Variants in UPF2 observed in about 807,000 individuals in gnomAD.
The protein encoded by UPF2 is regulator of nonsense transcripts 2.
A neutral mutation model predicts 141.4 loss-of-function variants in UPF2; 17 were observed. The observed-to-expected ratio is 0.12, with a 90% CI of 0.08 to 0.18. UPF2 has a LOEUF of 0.18. Among genes scored for constraint, UPF2 ranks in the 10% least tolerant of loss-of-function variants. The pLI is 1.00. For missense variants in UPF2, 1,152 were observed against 1,515.9 expected, an observed-to-expected ratio of 0.76 and a Z score of 3.99; for synonymous variants, 540 against 498.0, an observed-to-expected ratio of 1.08 and a Z score of -1.12.
intron 20 of UPF2, 28 bp from the exon 21 acceptor site, chr10:11,930,013 G>C: frequency 6.2e-7 from 1 of 1,613,920 alleles, no homozygotes; most frequent in Non-Finnish European, 8.5e-7. Flanking sequence ...AAAAGAGAAT[G>C]CTGTTAACTC....
rs1185937982 is a variant in UPF2 at position 11,997,702 on chromosome 10, A to G, written c.1814T>C (p.Val605Ala). Residue 605 changes from valine (V) to alanine (A), a missense_variant, in exon 8 of 22, where the codon GTA (valine) becomes GCA (alanine). Around this residue, in one of 4 missense-constraint regions of UPF2, gnomAD observed 739 missense variants for 1,032.2 expected, o/e 0.72. Coordinates refer to ENST00000357604, the MANE Select transcript of UPF2 (RefSeq NM_015542.4). ...MNTKANRKKL[V>A]RALFIVPRQR... ...TCTAGGAACTATGAAGAGTGCCCGT[A>G]CCAACTTCTTCCTGTTTGCTTTTGT... 6.2e-7 allele frequency: 1 copy of G among 1,613,928 alleles called. No individual in the cohort carries two copies. Among genetic ancestry groups the G allele is most frequent in the Non-Finnish European group, 8.5e-7 (1 of 1,179,890 alleles).
At position 12,038,806 on chromosome 10, in the gene UPF2, T is replaced by C. The variant is rs115478613; in HGVS notation, c.-18-3365A>G. Among the ~76,000 whole-genome samples the C allele has an allele frequency of 6.4e-3, 973 of 152,148 alleles. 13 individuals are homozygous for C. The highest frequency in any genetic ancestry group is 0.022 in the African/African-American group (930 of 41,532). On this transcript the variant is annotated intron_variant, in intron 1 of 21. Transcript: ENST00000357604. Reference sequence around the variant, plus strand: ...CAAGACAACATTAGCATTTATATTATCTATTTTTTTAATTTAAAAAAAAAC... The same window carrying C: ...CAAGACAACATTAGCATTTATATTACCTATTTTTTTAATTTAAAAAAAAAC...
At chr10:12,021,379 A>C (rs1701474) in intron 3 of UPF2, among the ~76,000 whole-genome samples, 1 of 147,148 alleles carries the variant, frequency 6.8e-6, no homozygotes, top group Non-Finnish European at 1.5e-5. Context: ...AAAAAAAAAA[A>C]TTTTTTTAAA....
Position 11,967,380 on chromosome 10 carries a change from A to C in UPF2, c.2028T>G (p.Phe676Leu). 6.3e-7 allele frequency: 1 copy of C among 1,590,852 alleles called. No individual in the cohort carries two copies. The highest frequency in any genetic ancestry group is 8.5e-7 in the Non-Finnish European group (1 of 1,172,666). Residue 676 changes from phenylalanine to leucine, a missense_variant, in exon 10 of 22, where the codon TTT becomes TTG. Transcript: ENST00000357604. ...GTGTGTCATTTTTGGTGAACATCTT[A>C]AACTTAGTTAGTTCTCCTATAAAAC... is the stretch of plus-strand genomic sequence containing the variant. ...TVRFIGELTKFKMFTKNDTLH... is the reference protein window; with the variant it reads ...TVRFIGELTKLKMFTKNDTLH...
At chr10:11,975,764 G>C (rs1408572698) in intron 9 of UPF2, among the ~76,000 whole-genome samples, 3 of 151,516 alleles carry the variant, frequency 2.0e-5, no homozygotes, top group Non-Finnish European at 4.4e-5. Flanking sequence ...TAATCCACCC[G>C]CCTTGGCCTC....
Position 11,980,615 on chromosome 10 carries a change from C to T in UPF2, c.1845-1450G>A, listed in dbSNP as rs1194707825. On this transcript the variant is annotated intron_variant, in intron 8 of 21. Coordinates refer to ENST00000357604, the MANE Select transcript of UPF2 (RefSeq NM_015542.4). The surrounding 1 kb of genome is among the most constrained non-coding windows in gnomAD (Gnocchi z 4.2). ...GGGCGTGGTGACAGATGCCTGCAAT[C>T]CCAGCTACTCGGGAGACTGAGGCAG... Among the ~76,000 whole-genome samples, 6 of 151,986 alleles carry T rather than the reference C, an allele frequency of 3.9e-5. No individual in the cohort carries two copies. The highest frequency in any genetic ancestry group is 8.8e-5 in the Non-Finnish European group (6 of 68,020).
chr10:11,950,524 A>C (rs1833060181), intron 15 of UPF2, among the ~76,000 whole-genome samples: 1 of 152,228 alleles, frequency 6.6e-6, no homozygotes, highest in Non-Finnish European at 1.5e-5. Context: ...CAAAGTCCTC[A>C]CAAGAAGCCT....
rs144202680 is a variant in UPF2, at chr10:11,944,355, G to T, written c.3175-1187C>A. On this transcript the variant is annotated intron_variant, in intron 16 of 21. Coordinates refer to ENST00000357604, the MANE Select transcript of UPF2 (RefSeq NM_015542.4). ...CTAAAAATACAAAAATTGGCCAGAC[G>T]TGGTGGCAGGCACCTGTAATCCCAG... is the stretch of plus-strand genomic sequence containing the variant. Among the ~76,000 whole-genome samples, 237 of 152,190 alleles carry T rather than the reference G, an allele frequency of 1.6e-3. 1 individual carries two copies. Among genetic ancestry groups the T allele is most frequent in the African/African-American group, 5.3e-3 (219 of 41,520 alleles).
intron 4 of UPF2, among the ~76,000 whole-genome samples, chr10:12,004,965 A>G (rs1345745031): frequency 3.3e-5 from 5 of 152,178 alleles, no homozygotes; most frequent in Admixed American, 3.3e-4. Flanking sequence ...TTTCTCTTAC[A>G]TTTGTTTTAA....
chr10:11,973,650 C>T (rs1198041845), intron 9 of UPF2, among the ~76,000 whole-genome samples: 2 of 152,046 alleles, frequency 1.3e-5, no homozygotes, highest in African/African-American at 4.8e-5. Flanking sequence ...GAATCCTTTC[C>T]CCATTTCTTG....
At chr10:12,008,956 C>G (rs1834083899) in intron 4 of UPF2, among the ~76,000 whole-genome samples, 1 of 151,964 alleles carries the variant, frequency 6.6e-6, no homozygotes, top group Non-Finnish European at 1.5e-5. Context: ...TGGTTTTTTT[C>G]CTATGTTAGT....
intron 3 of UPF2, among the ~76,000 whole-genome samples, chr10:12,023,385 T>A (rs1834350575): frequency 6.6e-6 from 1 of 151,372 alleles, no homozygotes; most frequent in African/African-American, 2.4e-5. Context: ...TAACAAAAAA[T>A]AATATTCGGC....
chr10:12,000,898 C>T (rs1381221088), intron 6 of UPF2, among the ~76,000 whole-genome samples: 2 of 152,116 alleles, frequency 1.3e-5, no homozygotes, highest in Non-Finnish European at 2.9e-5. Context: ...TTACTGAATA[C>T]AAACACAACT....
At chr10:12,027,790 T>C (rs576304091) in intron 3 of UPF2, among the ~76,000 whole-genome samples, 28 of 152,180 alleles carry the variant, frequency 1.8e-4, no homozygotes, top group Non-Finnish European at 2.9e-4. Context: ...TGGTCAATCA[T>C]CTTCTAGTGG....
At chr10:11,988,615 G>A (rs571083706) in intron 8 of UPF2, among the ~76,000 whole-genome samples, 33 of 152,302 alleles carry the variant, frequency 2.2e-4, no homozygotes, top group African/African-American at 6.5e-4. Context: ...GGAGGAGGAC[G>A]AGAATCTGAC....
intron 1 of UPF2, among the ~76,000 whole-genome samples, chr10:12,038,919 GGCCTTCCAAAGTGCTA>G (rs146979141): frequency 0.052 from 7,942 of 151,976 alleles, 277 homozygotes; most frequent in Non-Finnish European, 0.08. Flanking sequence ...CTCCCGCCTC[GGCCTTCCAAAGTGCTA>G]GGATTACAGG....
Position 11,939,230 on chromosome 10 carries a change from A to G in UPF2, c.3379-2518T>C, listed in dbSNP as rs542107455. On this transcript the variant is annotated intron_variant, in intron 18 of 21. Coordinates refer to ENST00000357604, the MANE Select transcript of UPF2 (RefSeq NM_015542.4). This position sits in a 1 kb window ranked among gnomAD's most constrained non-coding sequence, Gnocchi z 4.8. ...TTAGCTAAAGCAAAGGAATACTAAC[A>G]GTATCTGACAGCACTATGCAAAGAA... 9.1e-4 allele frequency among the ~76,000 whole-genome samples: 138 copies of G among 152,250 alleles called. No homozygotes were observed. The highest frequency in any genetic ancestry group is 3.2e-3 in the African/African-American group (133 of 41,550).
intron 3 of UPF2, among the ~76,000 whole-genome samples, chr10:12,027,604 A>G (rs1028177307): frequency 1.1e-4 from 17 of 152,218 alleles, no homozygotes; most frequent in Non-Finnish European, 1.8e-4. Context: ...CTCGCAAATC[A>G]AAACACAAAA....
intron 19 of UPF2, among the ~76,000 whole-genome samples, chr10:11,932,488 A>T (rs1430088196): frequency 6.6e-6 from 1 of 152,196 alleles, no homozygotes; most frequent in African/African-American, 2.4e-5. Context: ...TAAATAAAAG[A>T]TGAACAAAAA....
Sources: allele counts gnomAD v4.1 joint callset (sites outside exome capture counted in the v4.1 genomes callset), GRCh38; gene constraint gnomAD v4.1.1; regional missense constraint gnomAD v4.1.1; non-coding constraint Gnocchi (gnomAD v3.1); transcripts MANE v1.5; gene names NCBI Gene and HGNC (gene_info 2026-07-23, HGNC 2026-07-21).